The following REST variants were observed in gnomAD, a reference collection of about 807,000 sequenced individuals.
REST encodes RE1-silencing transcription factor.
Under a neutral mutation model 30.4 loss-of-function variants are expected in REST, and 1 was observed. That is an observed-to-expected ratio of 0.03 (90% CI 0.01 to 0.16). The LOEUF is 0.16. REST is among the 10% of genes least tolerant of loss of function. The probability of loss-of-function intolerance (pLI) is 1.00; values close to 1 mark genes in which losing one functional copy is unlikely to be tolerated. For synonymous variants in REST, 504 were observed against 451.1 expected (o/e 1.12, Z -1.49); for missense variants, 1,259 against 1,329.5 (o/e 0.95, Z 0.82).
rs1055084267 is a variant in REST at position 56,935,175 on chromosome 4, C to A, written c.*3023C>A. 3 of 152,110 alleles carry A rather than the reference C, an allele frequency of 2.0e-5. No homozygotes were observed. The highest frequency in any genetic ancestry group is 4.8e-5 in the African/African-American group (2 of 41,418). 9.4% of individuals were successfully genotyped at this position (152,110 alleles called of 1,614,324 possible). ...TGATACAAATTAAAACCCAAGTAGA[C>A]CTCATTGCATGTCACCCTATGAATG... On this transcript the variant is annotated 3_prime_UTR_variant, in exon 4 of 4. Coordinates refer to ENST00000309042, the MANE Select transcript of REST (RefSeq NM_005612.5).
intron 2 of REST, among the ~76,000 whole-genome samples, chr4:56,916,260 C>A (rs1348799894): frequency 6.6e-6 from 1 of 152,174 alleles, no homozygotes; most frequent in Non-Finnish European, 1.5e-5. Flanking sequence ...TTAAAGAAAA[C>A]CTTTTTGCCT....
intron 1 of REST, chr4:56,909,611 T>C (rs990985010): frequency 9.2e-5 from 14 of 152,276 alleles, no homozygotes; most frequent in Non-Finnish European, 2.1e-4. Flanking sequence ...AACCGGTTTG[T>C]GTTTATACAC....
chr4:56,926,730 C>G (rs962191718), intron 3 of REST, among the ~76,000 whole-genome samples: 3 of 151,976 alleles, frequency 2.0e-5, no homozygotes, highest in Non-Finnish European at 2.9e-5. Context: ...TGAGTTCTTG[C>G]TGTCTGCTCC....
chr4:56,923,423 A>G (rs1040480681), intron 3 of REST, among the ~76,000 whole-genome samples: 2 of 152,052 alleles, frequency 1.3e-5, no homozygotes, highest in Admixed American at 6.6e-5. Flanking sequence ...ACATGCCACC[A>G]CTCCAGCTAA....
In REST at chr4:56,928,352, C is replaced by T. The variant is rs1284993401; in HGVS notation, c.983-1489C>T. ...TGAACTCCTGACCTCAGGTGATCCA[C>T]TGCCTTCGCCTCCCAAAGTGCTGGG... On this transcript the variant is annotated intron_variant, in intron 3 of 3. Transcript: ENST00000309042. Among the ~76,000 whole-genome samples, 2 of 152,196 alleles carry T rather than the reference C, an allele frequency of 1.3e-5. 1 individual carries two copies. The highest frequency in any genetic ancestry group is 3.9e-4 in the East Asian group (2 of 5,168).
chr4:56,907,955 A>G lies in REST; in HGVS notation c.-268A>G. ...TGCGGCTGCCGCGAGCTCGCGGCGC[A>G]GCAGCGGAGCGAGCGCCGCCGAGGC... On this transcript the variant is annotated 5_prime_UTR_variant, in exon 1 of 4. Transcript: ENST00000309042. The G allele has an allele frequency of 3.1e-6, 1 of 326,296 alleles. No homozygotes were observed. Among genetic ancestry groups the G allele is most frequent in the Non-Finnish European group, 5.5e-6 (1 of 181,318 alleles). The allele number at this position is 326,296 out of a possible 1,614,324, so 20.2% of individuals were successfully genotyped here.
intron 2 of REST, among the ~76,000 whole-genome samples, chr4:56,916,648 A>G (rs190480105): frequency 6.6e-6 from 1 of 152,366 alleles, no homozygotes; most frequent in East Asian, 1.9e-4. Context: ...AAAAAAAATA[A>G]TAATAAAATA....
chr4:56,931,250 C>T lies in REST; in HGVS notation c.2392C>T (p.Pro798Ser), dbSNP rs763356980. The T allele has an allele frequency of 4.3e-6, 7 of 1,614,070 alleles. No individual in the cohort carries two copies. Among genetic ancestry groups the T allele is most frequent in the African/African-American group, 1.3e-5 (1 of 74,942 alleles). ...GAAGGAGCCTGCTCAGAGGGAGCCA[C>T]CTCCTCCCAGAGAGCCTCCCCTTCA... ...VQKEPAQREPPPPREPPLHME... is the reference protein window; with the variant it reads ...VQKEPAQREPSPPREPPLHME... Residue 798 changes from proline to serine, a missense_variant, in exon 4 of 4, where the codon CCT (proline) becomes TCT (serine). By Grantham distance (74) the Pro-to-Ser change is moderately conservative. Transcript: ENST00000309042.
chr4:56,919,362 C>T (rs1447867070), intron 2 of REST, among the ~76,000 whole-genome samples: 1 of 151,824 alleles, frequency 6.6e-6, no homozygotes, highest in African/African-American at 2.4e-5. Flanking sequence ...GTAGTAGATT[C>T]ATCATTTACA....
At chr4:56,918,183 T>C (rs920181438) in intron 2 of REST, among the ~76,000 whole-genome samples, 1 of 150,836 alleles carries the variant, frequency 6.6e-6, no homozygotes, top group African/African-American at 2.5e-5. Flanking sequence ...CTGTGGCTTT[T>C]ATAATTTGTT....
chr4:56,923,840 G>C (rs1720559867), intron 3 of REST, among the ~76,000 whole-genome samples: 1 of 152,104 alleles, frequency 6.6e-6, no homozygotes, highest in African/African-American at 2.4e-5. Context: ...TCCTGCCTCA[G>C]CCTCCCTAGT....
chr4:56,915,240 AT>A (rs1193678055), intron 2 of REST, among the ~76,000 whole-genome samples: 313 of 55,502 alleles, frequency 5.6e-3, no homozygotes, highest in South Asian at 0.011. Context: ...GTGTGTGTGT[AT>A]TTTTTTTTTT....
chr4:56,910,979 T>C lies in REST; in HGVS notation c.341T>C (p.Leu114Ser). Residue 114 changes from leucine to serine, a missense_variant, in exon 2 of 4, where the codon TTG (leucine) becomes TCG (serine). Physicochemically the swap from Leu to Ser is moderately radical, Grantham distance 145. Around this residue, in one of 5 missense-constraint regions of REST, gnomAD observed 249 missense variants for 251.5 expected, o/e 0.99. Transcript: ENST00000309042. ...CTGGAAAACATGGAACTGAGAAGTT[T>C]GGAACTCAGCGTCGTAGAACCTCAG... ...HGLENMELRS[L>S]ELSVVEPQPV... The C allele has an allele frequency of 6.2e-7, 1 of 1,614,176 alleles. No homozygotes were observed. Among genetic ancestry groups the C allele is most frequent in the Non-Finnish European group, 8.5e-7 (1 of 1,180,028 alleles).
chr4:56,930,028 T>C lies in REST; in HGVS notation c.1170T>C (p.Asn390=), dbSNP rs765001092. ...VELHVNPRQF[N]CPVCDYAASK... is the part of the protein sequence containing the mutation. The stretch of plus-strand genomic sequence containing the variant: ...TACATGTGAACCCACGGCAGTTCAA[T>C]TGCCCTGTATGTGACTATGCAGCTT... The change falls in exon 4 of 4, where the codon AAT becomes AAC. Residue 390 remains asparagine, a synonymous_variant. Transcript: ENST00000309042. The C allele has an allele frequency of 3.1e-6, 5 of 1,614,066 alleles. No homozygotes were observed. Among genetic ancestry groups the C allele is most frequent in the Non-Finnish European group, 4.2e-6 (5 of 1,180,032 alleles).
rs556943164 is a variant in REST at position 56,919,638 on chromosome 4, A to G, written c.899-149A>G. The G allele has an allele frequency of 2.6e-5, 12 of 468,280 alleles. No homozygotes were observed. In the East Asian group the frequency reaches 3.6e-4, roughly 14 times the overall value. The allele number at this position is 468,280 out of a possible 1,614,324, so 29.0% of individuals were successfully genotyped here. On this transcript the variant is annotated intron_variant, in intron 2 of 3. Transcript: ENST00000309042. ...GAAATAAATAACTTACATTTTAAGTACATGATAAATTGATCTTTTTGCCAG... is the reference window on the plus strand; with the variant it reads ...GAAATAAATAACTTACATTTTAAGTGCATGATAAATTGATCTTTTTGCCAG...
intron 3 of REST, among the ~76,000 whole-genome samples, chr4:56,928,582 A>ATT (rs879452861): frequency 3.6e-5 from 5 of 139,936 alleles, no homozygotes; most frequent in East Asian, 2.1e-4. Context: ...TGCCTGGCTA[A>ATT]TTTTTTTTTT....
intron 3 of REST, among the ~76,000 whole-genome samples, chr4:56,920,157 T>C (rs1720380829): frequency 6.6e-6 from 1 of 152,024 alleles, no homozygotes; most frequent in African/African-American, 2.4e-5. Context: ...TAAACTAATG[T>C]AGACCAAGAC....
intron 3 of REST, among the ~76,000 whole-genome samples, chr4:56,922,149 A>T (rs1720480780): frequency 6.6e-6 from 1 of 151,786 alleles, no homozygotes; most frequent in African/African-American, 2.4e-5. Flanking sequence ...ACCTGGTTTT[A>T]TTATTTTTGG....
intron 3 of REST, among the ~76,000 whole-genome samples, chr4:56,928,885 T>A (rs1367787822): frequency 1.3e-5 from 2 of 151,470 alleles, no homozygotes; most frequent in Non-Finnish European, 2.9e-5. Flanking sequence ...CTACCGCACC[T>A]GGCTGGGAAT....
Sources: gnomAD v4.1 joint callset for allele counts (sites outside exome capture counted in the v4.1 genomes callset) on GRCh38, gnomAD v4.1.1 for gene constraint, gnomAD v4.1.1 regional missense constraint, MANE v1.5 for transcripts, NCBI Gene and HGNC (gene_info 2026-07-23, HGNC 2026-07-21) for gene names.